Variants in SH3PXD2A observed in about 807,000 individuals in gnomAD.
SH3PXD2A encodes the protein SH3 and PX domains 2A, also known as SH3 and PX domain-containing protein 2A.
A neutral mutation model predicts 115.2 loss-of-function variants in SH3PXD2A; 32 were observed. That is an observed-to-expected ratio of 0.28 (90% CI 0.21 to 0.37). SH3PXD2A has a LOEUF of 0.37. SH3PXD2A is among the 10% of genes least tolerant of loss of function. The pLI is 1.00. For missense variants in SH3PXD2A, 1,328 were observed against 1,498.7 expected, an observed-to-expected ratio of 0.89 and a Z score of 1.88; for synonymous variants, 610 against 629.1, an observed-to-expected ratio of 0.97 and a Z score of 0.45.
intron 1 of SH3PXD2A, among the ~76,000 whole-genome samples, chr10:103,837,375 G>C (rs2039555391): frequency 6.6e-6 from 1 of 152,168 alleles, no homozygotes; most frequent in South Asian, 2.1e-4. Flanking sequence ...TCCTAGTTGG[G>C]TTCTTCCTGA....
At chr10:103,744,527 G>A (rs2038479466) in intron 3 of SH3PXD2A, among the ~76,000 whole-genome samples, 1 of 152,112 alleles carries the variant, frequency 6.6e-6, no homozygotes, top group African/African-American at 2.4e-5. Context: ...GGGACTGCAG[G>A]TCACCTCTTC....
chr10:103,687,552 C>A (rs1369251512), intron 6 of SH3PXD2A, among the ~76,000 whole-genome samples: 1 of 152,138 alleles, frequency 6.6e-6, no homozygotes, highest in Non-Finnish European at 1.5e-5. Context: ...CCCGCAGTGC[C>A]TTGCCCCCTC....
intron 8 of SH3PXD2A, among the ~76,000 whole-genome samples, chr10:103,659,114 A>G (rs550855697): frequency 4.6e-5 from 7 of 152,136 alleles, no homozygotes; most frequent in South Asian, 2.1e-4. Context: ...CCTTCCCCCA[A>G]TCCTAGGACT....
At chr10:103,657,208 A>G (rs1180051160) in intron 8 of SH3PXD2A, among the ~76,000 whole-genome samples, 3 of 152,084 alleles carry the variant, frequency 2.0e-5, no homozygotes, top group African/African-American at 7.2e-5. Flanking sequence ...AGACTCAGAG[A>G]AGAAAGGTGA....
intron 3 of SH3PXD2A, among the ~76,000 whole-genome samples, chr10:103,763,794 A>G (rs1294502624): frequency 6.6e-6 from 1 of 152,212 alleles, no homozygotes; most frequent in Non-Finnish European, 1.5e-5. Context: ...ACCCTTTGGA[A>G]GAAGAGGCAG....
At chr10:103,855,108 C>T (rs1787217174) in intron 1 of SH3PXD2A, 87 bp downstream of exon 1, 1 of 919,326 alleles carries the variant, frequency 1.1e-6, no homozygotes, top group Non-Finnish European at 1.6e-6. Flanking sequence ...GCTTCGCGAC[C>T]TCACAGCTGG....
intron 3 of SH3PXD2A, among the ~76,000 whole-genome samples, chr10:103,765,624 C>T (rs1013096978): frequency 3.3e-5 from 5 of 152,226 alleles, no homozygotes; most frequent in African/African-American, 1.2e-4. Context: ...GAAGCCCATT[C>T]TTCTGGAGCA....
chr10:103,728,889 G>GTTTTTTTTTTTTTTTTTTTTTT (rs199842369), intron 4 of SH3PXD2A, among the ~76,000 whole-genome samples: 2 of 142,884 alleles, frequency 1.4e-5, no homozygotes, highest in African/African-American at 5.3e-5. Context: ...TTTTTTGTTT[G>GTTTTTTTTTTTTTTTTTTTTTT]TTTGTTTGTT....
chr10:103,619,793 C>T (rs1429867603), intron 10 of SH3PXD2A, among the ~76,000 whole-genome samples: 2 of 152,220 alleles, frequency 1.3e-5, no homozygotes, highest in Non-Finnish European at 2.9e-5. Context: ...GCAGCAACCA[C>T]AGATGTCCAG....
At position 103,713,810 on chromosome 10, in the gene SH3PXD2A, G is replaced by A. The variant is rs559430266; in HGVS notation, c.398+10460C>T. Among the ~76,000 whole-genome samples, 11 of 152,358 alleles carry A rather than the reference G, an allele frequency of 7.2e-5. No homozygotes were observed. The East Asian group carries it at 1.9e-3, about 27-fold the overall frequency. On this transcript the variant is annotated intron_variant, in intron 5 of 14. Coordinates refer to ENST00000369774, the MANE Select transcript of SH3PXD2A (RefSeq NM_001394015.1). The stretch of plus-strand genomic sequence containing the variant: ...ATAATTCCCAGGCCACACAGCAGGT[G>A]GGGGAGGAGCCAGGGTTTGCCAGAG...
chr10:103,662,582 G>A (rs1238474825), intron 7 of SH3PXD2A, among the ~76,000 whole-genome samples: 1 of 149,086 alleles, frequency 6.7e-6, no homozygotes, highest in Non-Finnish European at 1.5e-5. Flanking sequence ...TGTATTTTTA[G>A]TAGAGACGGG....
At chr10:103,650,197 G>A (rs930327331) in intron 8 of SH3PXD2A, among the ~76,000 whole-genome samples, 2 of 121,788 alleles carry the variant, frequency 1.6e-5, no homozygotes, top group Non-Finnish European at 3.5e-5. Flanking sequence ...CTCAGCAGCG[G>A]CAGCAGCTGG....
In SH3PXD2A at chr10:103,665,322, G is replaced by A. The variant is rs2037370258; in HGVS notation, c.472+3286C>T. 6.6e-6 allele frequency among the ~76,000 whole-genome samples: 1 copy of A among 152,146 alleles called. No individual in the cohort carries two copies. Among genetic ancestry groups the A allele is most frequent in the African/African-American group, 2.4e-5 (1 of 41,434 alleles). The stretch of plus-strand genomic sequence containing the variant: ...ATTTTAATCCAAGCCAAGAAAATCT[G>A]AGGCAGGGTTTCAAAGCAGAGTTAA... On this transcript the variant is annotated intron_variant, in intron 7 of 14. Coordinates refer to ENST00000369774, the MANE Select transcript of SH3PXD2A (RefSeq NM_001394015.1). The surrounding 1 kb of genome is among the most constrained non-coding windows in gnomAD (Gnocchi z 4.0).
chr10:103,673,881 T>C (rs1009228129), intron 6 of SH3PXD2A, among the ~76,000 whole-genome samples: 3 of 152,168 alleles, frequency 2.0e-5, no homozygotes, highest in Admixed American at 6.5e-5. Context: ...TCAGTTTCTT[T>C]CCACATCCCC....
Position 103,638,047 on chromosome 10 carries a change from C to T in SH3PXD2A, c.605-10845G>A, listed in dbSNP as rs373360454. On this transcript the variant is annotated intron_variant, in intron 8 of 14. Transcript: ENST00000369774. ...TGTCACTGCAGCTCTTGCCAAGACA[C>T]GCGCCTCCATGGTCCAAAGCAAACA... 7.2e-5 allele frequency among the ~76,000 whole-genome samples: 11 copies of T among 152,318 alleles called. No homozygotes were observed. The East Asian group carries it at 9.6e-4, about 13-fold the overall frequency.
At chr10:103,671,773 G>A (rs1181115700) in intron 6 of SH3PXD2A, among the ~76,000 whole-genome samples, 1 of 152,214 alleles carries the variant, frequency 6.6e-6, no homozygotes, top group Non-Finnish European at 1.5e-5. Context: ...GCAGTGGGGG[G>A]GAGGCGGGGG....
chr10:103,785,907 G>C (rs2038976287), intron 2 of SH3PXD2A, among the ~76,000 whole-genome samples: 1 of 151,796 alleles, frequency 6.6e-6, no homozygotes, highest in African/African-American at 2.4e-5. Flanking sequence ...CTCCGGGGAG[G>C]CTGACATAAG....
Position 103,602,551 on chromosome 10 carries a change from G to A in SH3PXD2A, c.2667C>T (p.Ala889=), listed in dbSNP as rs112741279. ...CATCCAGCACCAAATAGTGGGAAGG[G>A]GCCCAGCCCTCCAGCTCCCCAAACC... ...YVRFGELEGW[A]PSHYLVLDEN... is the part of the protein sequence containing the mutation. The change falls in exon 15 of 15, where the codon GCC becomes GCT. Residue 889 remains alanine, a synonymous_variant. Transcript: ENST00000369774. 1.9e-6 allele frequency: 3 copies of A among 1,614,160 alleles called. No homozygotes were observed. Among genetic ancestry groups the A allele is most frequent in the Non-Finnish European group, 2.5e-6 (3 of 1,180,014 alleles).
intron 5 of SH3PXD2A, among the ~76,000 whole-genome samples, chr10:103,721,106 C>T (rs539269213): frequency 6.6e-6 from 1 of 152,254 alleles, no homozygotes; most frequent in Non-Finnish European, 1.5e-5. Flanking sequence ...AAATGCTTCA[C>T]AGCCCCTCCC....
Sources: allele counts gnomAD v4.1 joint callset (sites outside exome capture counted in the v4.1 genomes callset), GRCh38; gene constraint gnomAD v4.1.1; non-coding constraint Gnocchi (gnomAD v3.1); transcripts MANE v1.5; gene names NCBI Gene and HGNC (gene_info 2026-07-23, HGNC 2026-07-21).